Variants in WWC2 observed in about 807,000 individuals in gnomAD.
WWC2 encodes WW and C2 domain containing 2, also known as protein WWC2.
A neutral mutation model predicts 138.5 loss-of-function variants in WWC2; 101 were observed. The ratio of observed to expected loss-of-function variants is 0.73; its 90% CI spans 0.62 to 0.86. The LOEUF (loss-of-function observed/expected upper bound fraction) is 0.86. WWC2 is among the 40% of genes least tolerant of loss of function. The pLI is 0.00. For missense variants in WWC2, 1,420 were observed against 1,419.4 expected, an observed-to-expected ratio of 1.00 and a Z score of -0.01; for synonymous variants, 558 against 538.4, an observed-to-expected ratio of 1.04 and a Z score of -0.50.
intron 1 of WWC2, among the ~76,000 whole-genome samples, chr4:183,135,795 A>G (rs111424127): frequency 6.6e-6 from 1 of 152,094 alleles, no homozygotes; most frequent in Admixed American, 6.6e-5. Flanking sequence ...TCTTCATTTC[A>G]TTATCATTTT....
chr4:183,286,264 G>A (rs533985046), intron 20 of WWC2, among the ~76,000 whole-genome samples: 1 of 152,254 alleles, frequency 6.6e-6, no homozygotes, highest in African/African-American at 2.4e-5. Context: ...CATCATTGGT[G>A]TGGAACCTGT....
chr4:183,268,665 G>A (rs1737586557), intron 14 of WWC2, among the ~76,000 whole-genome samples: 1 of 152,140 alleles, frequency 6.6e-6, no homozygotes, highest in South Asian at 2.1e-4. Flanking sequence ...GGGGCAGGTG[G>A]GACGTTAAAT....
chr4:183,146,762 G>A (rs1733474874), intron 1 of WWC2, among the ~76,000 whole-genome samples: 1 of 152,234 alleles, frequency 6.6e-6, no homozygotes, highest in Non-Finnish European at 1.5e-5. Context: ...AGGAAGGTTA[G>A]AAACCAGTTG....
At chr4:183,104,763 A>G (rs953900784) in intron 1 of WWC2, among the ~76,000 whole-genome samples, 1 of 152,192 alleles carries the variant, frequency 6.6e-6, no homozygotes, top group African/African-American at 2.4e-5. Context: ...GTTTGGTATA[A>G]TGCTTGCTGG....
At chr4:183,237,821 C>A (rs183886065) in intron 4 of WWC2, among the ~76,000 whole-genome samples, 32 of 152,154 alleles carry the variant, frequency 2.1e-4, no homozygotes, top group Non-Finnish European at 4.3e-4. Flanking sequence ...CCTCATAGTG[C>A]CTGGTCTCCC....
intron 1 of WWC2, among the ~76,000 whole-genome samples, chr4:183,149,135 G>T (rs1733561305): frequency 6.6e-6 from 1 of 151,936 alleles, no homozygotes. Flanking sequence ...TTAATGAATT[G>T]TCATAAAGCG....
chr4:183,119,029 C>G (rs1176324461), intron 1 of WWC2, among the ~76,000 whole-genome samples: 1 of 152,054 alleles, frequency 6.6e-6, no homozygotes, highest in Non-Finnish European at 1.5e-5. Flanking sequence ...CTACCGTACT[C>G]CAGTCTGAAT....
intron 1 of WWC2, among the ~76,000 whole-genome samples, chr4:183,137,814 C>A (rs1247172317): frequency 2.0e-5 from 3 of 152,104 alleles, no homozygotes; most frequent in Non-Finnish European, 4.4e-5. Flanking sequence ...TCTTATGGAA[C>A]CAAAATGTCA....
rs545460352 is a variant in WWC2 at position 183,265,071 on chromosome 4, C to A, written c.2003C>A (p.Ala668Asp). Residue 668 changes from alanine to aspartate, a missense_variant, in exon 12 of 23, where the codon GCT (alanine) becomes GAT (aspartate). Physicochemically the swap from Ala to Asp is moderately radical, Grantham distance 126. Transcript: ENST00000403733. ...GCTGCTGTGTCTGATGAGTCTGTGG[C>A]TGGAGACAGTGGGGTCTATGAAGCT... The part of the protein sequence containing the change: ...VSAAVSDESV[A>D]GDSGVYEAFV... 6.2e-7 allele frequency: 1 copy of A among 1,612,932 alleles called. No homozygotes were observed. The highest frequency in any genetic ancestry group is 1.3e-5 in the African/African-American group (1 of 75,024).
intron 1 of WWC2, among the ~76,000 whole-genome samples, chr4:183,104,838 G>A (rs1743298830): frequency 6.6e-6 from 1 of 152,176 alleles, no homozygotes; most frequent in Non-Finnish European, 1.5e-5. Context: ...GACATTAATA[G>A]TCCATAGCTT....
At chr4:183,257,216 T>C (rs1034411435) in intron 9 of WWC2, among the ~76,000 whole-genome samples, 1 of 152,184 alleles carries the variant, frequency 6.6e-6, no homozygotes, top group Non-Finnish European at 1.5e-5. Context: ...CTTAATTGTT[T>C]CTTAATTATT....
chr4:183,142,321 T>C (rs1478069335), intron 1 of WWC2, among the ~76,000 whole-genome samples: 2 of 152,344 alleles, frequency 1.3e-5, no homozygotes, highest in East Asian at 3.9e-4. Context: ...TTTTCCTGTC[T>C]GTCCCAAATA....
intron 1 of WWC2, among the ~76,000 whole-genome samples, chr4:183,183,237 G>C (rs566371523): frequency 6.6e-5 from 10 of 152,276 alleles, no homozygotes; most frequent in Admixed American, 5.9e-4. Context: ...TTGTTGCATA[G>C]GTAAACGTGT....
At chr4:183,183,466 C>G (rs1734700330) in intron 1 of WWC2, among the ~76,000 whole-genome samples, 1 of 152,266 alleles carries the variant, frequency 6.6e-6, no homozygotes, top group East Asian at 1.9e-4. Flanking sequence ...ACATCCTCAC[C>G]AGAGTGAGTT....
chr4:183,181,352 C>G (rs891748782), intron 1 of WWC2, among the ~76,000 whole-genome samples: 1 of 152,154 alleles, frequency 6.6e-6, no homozygotes, highest in Non-Finnish European at 1.5e-5. Flanking sequence ...CAAAGTGCCA[C>G]TTGTGATGCT....
chr4:183,289,584 C>A lies in WWC2; in HGVS notation c.3333C>A (p.Gly1111=). 1.2e-6 allele frequency: 2 copies of A among 1,613,792 alleles called. No individual in the cohort carries two copies. Among genetic ancestry groups the A allele is most frequent in the Non-Finnish European group, 8.5e-7 (1 of 1,179,874 alleles). ...KAQGETDLPP[G]VLEDERFQRL... ...AGGGAGAGACTGACCTTCCACCAGGCGTGCTGGAGGATGAGAGGTTCCAGA... is the reference window on the plus strand; with the variant it reads ...AGGGAGAGACTGACCTTCCACCAGGAGTGCTGGAGGATGAGAGGTTCCAGA... Residue 1111 remains glycine, a synonymous_variant, in exon 21 of 23, where the codon GGC becomes GGA. Transcript: ENST00000403733.
At chr4:183,264,357 C>T (rs1737426244) in intron 11 of WWC2, among the ~76,000 whole-genome samples, 1 of 152,216 alleles carries the variant, frequency 6.6e-6, no homozygotes, top group Non-Finnish European at 1.5e-5. Context: ...GTTCCTTGCT[C>T]ACTGCAGGAT....
intron 11 of WWC2, 114 bp from the exon 12 acceptor site, chr4:183,264,864 C>G: frequency 8.8e-7 from 1 of 1,133,352 alleles, no homozygotes; most frequent in Non-Finnish European, 1.2e-6. Flanking sequence ...ACATCCTTGA[C>G]TCCCAGAAGG....
At chr4:183,143,197 T>A (rs898500092) in intron 1 of WWC2, among the ~76,000 whole-genome samples, 1 of 152,190 alleles carries the variant, frequency 6.6e-6, no homozygotes, top group Non-Finnish European at 1.5e-5. Flanking sequence ...ATAATGGGTG[T>A]AGGTGACTCA....
Sources: gnomAD v4.1 joint callset for allele counts (sites outside exome capture counted in the v4.1 genomes callset) on GRCh38, gnomAD v4.1.1 for gene constraint, MANE v1.5 for transcripts, NCBI Gene and HGNC (gene_info 2026-07-23, HGNC 2026-07-21) for gene names.